TCAF1: variants seen among roughly 807,000 people sequenced by gnomAD.
TCAF1 encodes TRPM8 channel associated factor 1.
TCAF1 carries 4 observed loss-of-function variants against 27.3 expected under a neutral mutation model. The observed-to-expected ratio is 0.15, with a 90% CI of 0.07 to 0.34. The LOEUF (loss-of-function observed/expected upper bound fraction) is 0.34, where lower values mean the gene tolerates loss of function less well. Among genes scored for constraint, TCAF1 ranks in the 10% least tolerant of loss-of-function variants. TCAF1 has a pLI of 1.00. For synonymous variants in TCAF1, 105 were observed against 167.1 expected, an observed-to-expected ratio of 0.63 and a Z score of 2.87; for missense variants, 257 against 425.8, an observed-to-expected ratio of 0.60 and a Z score of 3.49.
intron 1 of TCAF1, among the ~76,000 whole-genome samples, chr7:143,888,834 T>C (rs1051580610): frequency 6.6e-6 from 1 of 152,058 alleles, no homozygotes; most frequent in Non-Finnish European, 1.5e-5. Context: ...AAGACAGCCA[T>C]TACAAACAAG....
Position 143,876,240 on chromosome 7 carries a change from C to T in TCAF1, c.369G>A (p.Gly123=). The T allele has an allele frequency of 1.2e-6, 2 of 1,614,164 alleles. No homozygotes were observed. The highest frequency in any genetic ancestry group is 1.7e-6 in the Non-Finnish European group (2 of 1,180,030). The part of the protein sequence containing the change: ...KVEPEVKDSL[G]VYCIDAYNET... Reference sequence around the variant, plus strand: ...CATTGTAGGCATCAATACAGTAAACCCCCAGGGAGTCTTTCACTTCTGGCT... The same window carrying T: ...CATTGTAGGCATCAATACAGTAAACTCCCAGGGAGTCTTTCACTTCTGGCT... Residue 123 remains glycine (G), a synonymous_variant, in exon 2 of 9, where the codon GGG becomes GGA. Transcript: ENST00000479870.
At chr7:143,898,798 T>A (rs1813999741) in intron 1 of TCAF1, among the ~76,000 whole-genome samples, 1 of 152,164 alleles carries the variant, frequency 6.6e-6, no homozygotes, top group Non-Finnish European at 1.5e-5. Flanking sequence ...AAGCAGGTGT[T>A]GGAAACTTAA....
Position 143,859,958 on chromosome 7 carries a change from GAATATATATTATAT to G in TCAF1, c.2167+236_2167+249del, listed in dbSNP as rs1479325174. On this transcript the variant is annotated intron_variant, in intron 6 of 8. Coordinates refer to ENST00000479870, the MANE Select transcript of TCAF1 (RefSeq NM_014719.3). ...TATATATTATATAATATATATTACG[GAATATATATTATAT>G]AATATATATTATATAATATATATTA... Among the ~76,000 whole-genome samples the G allele has an allele frequency of 7.1e-4, 29 of 40,738 alleles. 4 individuals are homozygous for G. Among genetic ancestry groups the G allele is most frequent in the African/African-American group, 2.9e-3 (23 of 8,042 alleles). The allele number at this position is 40,738 out of a possible 152,430, so 26.7% of individuals were successfully genotyped here.
chr7:143,878,108 T>C (rs1463850541), intron 1 of TCAF1, among the ~76,000 whole-genome samples: 1 of 152,226 alleles, frequency 6.6e-6, no homozygotes, highest in East Asian at 1.9e-4. Context: ...ATATCTGCCA[T>C]ATACGCTTGT....
chr7:143,887,262 T>C (rs1348914435), intron 1 of TCAF1, among the ~76,000 whole-genome samples: 1 of 152,182 alleles, frequency 6.6e-6, no homozygotes, highest in Non-Finnish European at 1.5e-5. Flanking sequence ...TAAAAATCCA[T>C]ATCAAAAATA....
intron 1 of TCAF1, chr7:143,884,975 T>G: frequency 1.3e-5 from 13 of 985,218 alleles, no homozygotes; most frequent in Non-Finnish European, 1.6e-5. Context: ...CAGGCAACCC[T>G]TTTTGAAAGA....
intron 1 of TCAF1, among the ~76,000 whole-genome samples, chr7:143,894,714 A>T (rs1813794133): frequency 2.0e-5 from 3 of 151,776 alleles, no homozygotes; most frequent in Admixed American, 2.0e-4. Context: ...AATAAAAATT[A>T]GATATTATAA....
chr7:143,859,930 T>C (rs185143273), intron 6 of TCAF1, among the ~76,000 whole-genome samples: 1 of 57,478 alleles, frequency 1.7e-5, no homozygotes, highest in Non-Finnish European at 3.1e-5. Flanking sequence ...ATATATTATA[T>C]AATATATATT....
At chr7:143,892,716 G>A (rs1180639483) in intron 1 of TCAF1, among the ~76,000 whole-genome samples, 1 of 152,048 alleles carries the variant, frequency 6.6e-6, no homozygotes, top group African/African-American at 2.4e-5. Context: ...ATGGTATTAG[G>A]AAGTGGGCCT....
intron 1 of TCAF1, among the ~76,000 whole-genome samples, chr7:143,900,778 C>T (rs573129294): frequency 3.9e-4 from 60 of 152,218 alleles, no homozygotes; most frequent in African/African-American, 1.4e-3. Context: ...CAATGTCCAT[C>T]AGCAGTAGAA....
At chr7:143,884,910 A>G in intron 1 of TCAF1, 1 of 765,922 alleles carries the variant, frequency 1.3e-6, no homozygotes, top group Non-Finnish European at 1.6e-6. Context: ...GCAGTATGAA[A>G]GAAATAAGAG....
In TCAF1 at chr7:143,876,631, A is replaced by G. The variant is rs761099705; in HGVS notation, c.-14-9T>C. ...CATGGCTCTATTGGTTTCTGCAGAG[A>G]AGAAAGCAAAGGCTCAGCTTAGCGA... On this transcript the variant is annotated splice_polypyrimidine_tract_variant and intron_variant, in intron 1 of 8. Transcript: ENST00000479870. 3.4e-6 allele frequency: 5 copies of G among 1,481,124 alleles called. No individual in the cohort carries two copies. In the East Asian group the frequency reaches 6.9e-5, roughly 21 times the overall value. 91.7% of individuals were successfully genotyped at this position (1,481,124 alleles called of 1,614,324 possible). A position where few individuals can be genotyped will look rare whatever the true frequency, so the allele number is the denominator to read the frequency against.
chr7:143,881,845 T>C (rs1039030103), intron 1 of TCAF1: 1 of 152,172 alleles, frequency 6.6e-6, no homozygotes, highest in African/African-American at 2.4e-5. Flanking sequence ...ATTCTCTCAC[T>C]TCTCTCCTAG....
rs1562961359 is a variant in TCAF1 at position 143,876,149 on chromosome 7, C to T, written c.460G>A (p.Ala154Thr). The T allele has an allele frequency of 3.1e-6, 5 of 1,614,206 alleles. No homozygotes were observed. The highest frequency in any genetic ancestry group is 4.2e-6 in the Non-Finnish European group (5 of 1,180,026). The change falls in exon 2 of 9, where the codon GCC becomes ACC. Residue 154 changes from alanine (A) to threonine (T), a missense_variant. Transcript: ENST00000479870. The part of the protein sequence containing the change: ...CGGGLLIGGQ[A>T]WDWANQGEDE... ...TCCCCCTGGTTGGCCCAATCCCAGG[C>T]TTGTCCTCCTATGAGCAAGCCGCCA...
intron 1 of TCAF1, among the ~76,000 whole-genome samples, chr7:143,883,574 C>T (rs367564480): frequency 2.9e-5 from 4 of 137,174 alleles, no homozygotes; most frequent in African/African-American, 1.1e-4. Context: ...GGCGCGATCT[C>T]GGCTCACTGC....
chr7:143,868,928 G>T (rs1586756470), intron 2 of TCAF1, among the ~76,000 whole-genome samples: 1 of 72,216 alleles, frequency 1.4e-5, no homozygotes, highest in African/African-American at 4.6e-5. Flanking sequence ...TCATAATTTG[G>T]TATGATTTGG....
chr7:143,859,961 T>TATATATTATGTA (rs1811855955), intron 6 of TCAF1, among the ~76,000 whole-genome samples: 2 of 41,440 alleles, frequency 4.8e-5, no homozygotes, highest in Non-Finnish European at 9.6e-5. Flanking sequence ...TATTACGGAA[T>TATATATTATGTA]ATATATTATA....
At chr7:143,898,672 A>G (rs1276898162) in intron 1 of TCAF1, among the ~76,000 whole-genome samples, 1 of 152,244 alleles carries the variant, frequency 6.6e-6, no homozygotes, top group Non-Finnish European at 1.5e-5. Flanking sequence ...AAAACATTGA[A>G]GATGACTTAA....
At chr7:143,883,494 CTTTTT>C (rs1171464997) in intron 1 of TCAF1, among the ~76,000 whole-genome samples, 7 of 105,216 alleles carry the variant, frequency 6.7e-5, no homozygotes, top group East Asian at 3.2e-4. Flanking sequence ...TCTTTCTTTC[CTTTTT>C]CTTTTTTTTT....
Sources: allele counts gnomAD v4.1 joint callset (sites outside exome capture counted in the v4.1 genomes callset), GRCh38; gene constraint gnomAD v4.1.1; transcripts MANE v1.5; gene names NCBI Gene and HGNC (gene_info 2026-07-23, HGNC 2026-07-21).